FAM185A: variants seen among roughly 807,000 people sequenced by gnomAD.
FAM185A encodes the protein family with sequence similarity 185 member A, also known as protein FAM185A.
Under a neutral mutation model 45.7 loss-of-function variants are expected in FAM185A, and 21 were observed. The ratio of observed to expected loss-of-function variants is 0.46; its 90% CI spans 0.33 to 0.66. The LOEUF (loss-of-function observed/expected upper bound fraction) is 0.66. FAM185A is among the 30% of genes least tolerant of loss of function. The pLI is 0.03. For synonymous variants in FAM185A, 117 were observed against 194.0 expected (o/e 0.60, Z 3.30); for missense variants, 305 against 485.4 (o/e 0.63, Z 3.49).
chr7:102,820,245 C>T, the FAM185A span, among the ~76,000 whole-genome samples: 1 of 152,206 alleles, frequency 6.6e-6, no homozygotes, highest in African/African-American at 2.4e-5. Flanking sequence ...GAAGTGCACA[C>T]ACCAAACCAG....
chr7:102,798,719 C>T (rs534193238), intron 7 of FAM185A, among the ~76,000 whole-genome samples: 1 of 152,074 alleles, frequency 6.6e-6, no homozygotes, highest in Non-Finnish European at 1.5e-5. Flanking sequence ...CTTTCCTCCA[C>T]ATTTATTTTA....
At chr7:102,753,611 A>G (rs1218446046) in intron 2 of FAM185A, among the ~76,000 whole-genome samples, 1 of 151,850 alleles carries the variant, frequency 6.6e-6, no homozygotes, top group East Asian at 1.9e-4. Context: ...AGACAAAATC[A>G]TCTCCAGTTG....
Position 102,801,987 on chromosome 7 carries a change from T to TA in FAM185A, c.1067-6302dup. Among the ~76,000 whole-genome samples, 3 of 149,356 alleles carry TA rather than the reference T, an allele frequency of 2.0e-5. No individual in the cohort carries two copies. In the South Asian group the frequency reaches 6.3e-4, roughly 31 times the overall value. On this transcript the variant is annotated intron_variant, in intron 7 of 7. Transcript: ENST00000413034. Reference sequence around the variant, plus strand: ...TAAAAGACCTTGTCCAACAGGAAAATATCACAATCCTAAACATTTATGCAC... The same window carrying TA: ...TAAAAGACCTTGTCCAACAGGAAAATAATCACAATCCTAAACATTTATGCAC...
chr7:102,807,997 G>C (rs146805088), intron 7 of FAM185A, among the ~76,000 whole-genome samples: 263 of 152,272 alleles, frequency 1.7e-3, no homozygotes, highest in African/African-American at 6.1e-3. Context: ...GGAGGCAGAG[G>C]CTGCAGTGAG....
chr7:102,820,001 CCTAA>C, the FAM185A span, among the ~76,000 whole-genome samples: 2 of 152,166 alleles, frequency 1.3e-5, no homozygotes, highest in Non-Finnish European at 2.9e-5. Flanking sequence ...TCAGGAGCCC[CCTAA>C]CTGACAAGTA....
downstream of FAM185A, among the ~76,000 whole-genome samples, chr7:102,811,405 C>A (rs1473871442): frequency 2.0e-5 from 3 of 152,188 alleles, no homozygotes; most frequent in African/African-American, 7.2e-5. Context: ...ATTTCTCTAC[C>A]TGTATCCCTA....
chr7:102,842,480 A>G, the FAM185A span, among the ~76,000 whole-genome samples: 1 of 152,262 alleles, frequency 6.6e-6, no homozygotes, highest in Non-Finnish European at 1.5e-5. Context: ...GGTGGAGTCT[A>G]TCAACTGATG....
chr7:102,806,823 C>T (rs1380310848), intron 7 of FAM185A, among the ~76,000 whole-genome samples: 1 of 152,142 alleles, frequency 6.6e-6, no homozygotes, highest in Non-Finnish European at 1.5e-5. Context: ...AGGGAGAGGT[C>T]GCACAGGCAG....
At chr7:102,754,971 A>G (rs944392034) in intron 2 of FAM185A, 22 of 210,624 alleles carry the variant, frequency 1.0e-4, no homozygotes, top group Non-Finnish European at 1.3e-4. Flanking sequence ...GCTTTAAATT[A>G]TAACAGTAGC....
chr7:102,783,600 A>G (rs193199117), intron 6 of FAM185A, among the ~76,000 whole-genome samples: 5 of 150,436 alleles, frequency 3.3e-5, no homozygotes, highest in Non-Finnish European at 7.4e-5. Context: ...CTTTGAAACC[A>G]ATGAAAACAA....
In FAM185A at chr7:102,776,625, G is replaced by A. The variant is rs565906762; in HGVS notation, c.836-628G>A. 2.7e-5 allele frequency among the ~76,000 whole-genome samples: 4 copies of A among 150,504 alleles called. No homozygotes were observed. The South Asian group carries it at 6.3e-4, about 24-fold the overall frequency. ...TGCAGCAAGCCAGGAACAGTGGTTT[G>A]TGCCTGTAATCCCAGGAGTATGGCT... On this transcript the variant is annotated intron_variant, in intron 5 of 7. Transcript: ENST00000413034.
Position 102,772,625 on chromosome 7 carries a change from T to C in FAM185A, c.835+175T>C, listed in dbSNP as rs1794823149. Among the ~76,000 whole-genome samples the C allele has an allele frequency of 2.0e-5, 3 of 151,884 alleles. No homozygotes were observed. The South Asian group carries it at 6.2e-4, about 32-fold the overall frequency. On this transcript the variant is annotated intron_variant, in intron 5 of 7. Coordinates refer to ENST00000413034, the MANE Select transcript of FAM185A (RefSeq NM_001145268.2). ...TTATGTCCACTCGAAGAAAATCGCC[T>C]GAGCTGGTATTAAGAAATGTCTTAT...
chr7:102,781,144 A>T (rs1385903543), intron 6 of FAM185A, among the ~76,000 whole-genome samples: 2 of 152,200 alleles, frequency 1.3e-5, no homozygotes, highest in South Asian at 4.1e-4. Context: ...AGGCTTGAGT[A>T]GGTAAACAAG....
At position 102,797,191 on chromosome 7, in the gene FAM185A, G is replaced by A. The variant is rs550034951; in HGVS notation, c.1066+9722G>A. 1.1e-3 allele frequency among the ~76,000 whole-genome samples: 174 copies of A among 152,318 alleles called. 1 individual carries two copies. Among genetic ancestry groups the A allele is most frequent in the Non-Finnish European group, 9.0e-4 (61 of 68,034 alleles). ...GTTAAAGAACGTTGAGGCTGGGCAC[G>A]GTGGCTCACGCCTGTAATCCCAGCA... On this transcript the variant is annotated intron_variant, in intron 7 of 7. Coordinates refer to ENST00000413034, the MANE Select transcript of FAM185A (RefSeq NM_001145268.2).
chr7:102,834,473 A>ATATATATATATATATATATG, the FAM185A span: 1 of 141,544 alleles, frequency 7.1e-6, no homozygotes, highest in African/African-American at 2.6e-5. Context: ...ATATATATAT[A>ATATATATATATATATATATG]TGTGATGTGG....
chr7:102,798,810 C>T (rs1466162417), intron 7 of FAM185A, among the ~76,000 whole-genome samples: 1 of 151,970 alleles, frequency 6.6e-6, no homozygotes, highest in Non-Finnish European at 1.5e-5. Flanking sequence ...TGCAATGGCA[C>T]AATCTCGGCT....
At chr7:102,835,540 A>C in the FAM185A span, among the ~76,000 whole-genome samples, 1 of 152,214 alleles carries the variant, frequency 6.6e-6, no homozygotes, top group African/African-American at 2.4e-5. Context: ...TGTCTTCAAG[A>C]AAATTAAGAA....
chr7:102,828,013 G>C, the FAM185A span, among the ~76,000 whole-genome samples: 2 of 152,258 alleles, frequency 1.3e-5, no homozygotes, highest in South Asian at 4.1e-4. Flanking sequence ...AAGTCAGGTA[G>C]CGTGATGCCT....
intron 3 of FAM185A, among the ~76,000 whole-genome samples, chr7:102,760,025 A>G (rs1416824840): frequency 1.3e-5 from 2 of 152,114 alleles, no homozygotes; most frequent in African/African-American, 2.4e-5. Context: ...ATTATTCTAC[A>G]TGACTGTTTT....
Sources: gnomAD v4.1 joint callset for allele counts (sites outside exome capture counted in the v4.1 genomes callset) on GRCh38, gnomAD v4.1.1 for gene constraint, MANE v1.5 for transcripts, NCBI Gene and HGNC (gene_info 2026-07-23, HGNC 2026-07-21) for gene names.